COL4A6: variants seen among roughly 807,000 people sequenced by gnomAD.
COL4A6 encodes collagen alpha-6(IV) chain.
In COL4A6, 59 loss-of-function variants were observed where a neutral mutation model predicts 126.7. That is an observed-to-expected ratio of 0.47 (90% confidence interval 0.38 to 0.58). The LOEUF (loss-of-function observed/expected upper bound fraction) is 0.58, where lower values mean the gene tolerates loss of function less well. Among genes scored for constraint, COL4A6 ranks in the 20% least tolerant of loss-of-function variants. The pLI is 0.00. For synonymous variants in COL4A6, 547 were observed against 496.6 expected (o/e 1.10, Z -1.35); for missense variants, 1,285 against 1,337.3 (o/e 0.96, Z 0.61).
chrX:108,218,699 A>C (rs1205440040), intron 5 of COL4A6, among the ~76,000 whole-genome samples: 4 of 111,751 alleles, frequency 3.6e-5, no homozygotes, highest in Non-Finnish European at 5.6e-5. Flanking sequence ...CTGACATTAG[A>C]TTATTATTGA....
At chrX:108,193,319 C>A (rs1273989917) in intron 17 of COL4A6, among the ~76,000 whole-genome samples, 3 of 111,785 alleles carry the variant, frequency 2.7e-5, no homozygotes, top group Non-Finnish European at 5.6e-5. Context: ...GTCAGCCCAG[C>A]TTGGGGGTGG....
rs139602001 is a variant in COL4A6 at position 108,329,410 on chromosome X, C to T, written c.64-18582G>A. Among the ~76,000 whole-genome samples the T allele has an allele frequency of 8.1e-5, 9 of 111,491 alleles. No individual in the cohort carries two copies. The East Asian group carries it at 2.5e-3, about 31-fold the overall frequency. Reference sequence around the variant, plus strand: ...ACAATGACTTAAGAGATTTATCATCCAATCACAATGTAGGGACTTTATTTG... The same window carrying T: ...ACAATGACTTAAGAGATTTATCATCTAATCACAATGTAGGGACTTTATTTG... On this transcript the variant is annotated intron_variant, in intron 2 of 44. Transcript: ENST00000334504.
intron 3 of COL4A6, among the ~76,000 whole-genome samples, chrX:108,308,951 G>C (rs372917038): frequency 9.0e-6 from 1 of 111,395 alleles, no homozygotes; most frequent in East Asian, 2.8e-4. Context: ...CTGTCAAAAG[G>C]GTGGCTGAAT....
chrX:108,173,461 GGT>G (rs56782024), intron 31 of COL4A6, among the ~76,000 whole-genome samples: 4,000 of 100,673 alleles, frequency 0.04, 84 homozygotes, highest in African/African-American at 0.071. Flanking sequence ...AATTGCTTCA[GGT>G]GTGTGTGTGT....
At position 108,275,189 on chromosome X, in the gene COL4A6, T is replaced by G. The variant is rs189414186; in HGVS notation, c.144+35559A>C. 3.6e-5 allele frequency among the ~76,000 whole-genome samples: 4 copies of G among 111,192 alleles called. No homozygotes were observed. The East Asian group carries it at 8.5e-4, about 24-fold the overall frequency. On this transcript the variant is annotated intron_variant, in intron 3 of 44. Transcript: ENST00000334504. ...TTACTTGGGAGGAAAGGAAGAAAAATGGAAATGAAGGAAGGGAAGAAAAGG... is the reference window on the plus strand; with the variant it reads ...TTACTTGGGAGGAAAGGAAGAAAAAGGGAAATGAAGGAAGGGAAGAAAAGG...
chrX:108,368,891 G>A (rs1008124327), intron 2 of COL4A6, among the ~76,000 whole-genome samples: 10 of 111,186 alleles, frequency 9.0e-5, no homozygotes, highest in African/African-American at 3.3e-4. Context: ...TAACACACAT[G>A]GAGCTATCAC....
intron 3 of COL4A6, among the ~76,000 whole-genome samples, chrX:108,304,742 G>C (rs1192222792): frequency 2.7e-5 from 3 of 112,049 alleles, no homozygotes; most frequent in Non-Finnish European, 3.8e-5. Flanking sequence ...ACTCAGAGGA[G>C]TTAAGGAAAG....
chrX:108,338,453 A>G (rs189990105), intron 2 of COL4A6, among the ~76,000 whole-genome samples: 1 of 112,281 alleles, frequency 8.9e-6, no homozygotes, highest in Admixed American at 9.4e-5. Flanking sequence ...AGCAATGCCC[A>G]CATATAGTTC....
chrX:108,372,018 T>TCCCCTGCAC (rs1441093394), intron 2 of COL4A6, among the ~76,000 whole-genome samples: 1 of 110,916 alleles, frequency 9.0e-6, no homozygotes, highest in African/African-American at 3.3e-5. Context: ...CCATTTTGCT[T>TCCCCTGCAC]CCCCTGCACA....
chrX:108,399,938 T>C (rs1162480211), intron 2 of COL4A6, among the ~76,000 whole-genome samples: 1 of 111,385 alleles, frequency 9.0e-6, no homozygotes, highest in African/African-American at 3.3e-5. Context: ...TGTGTTCCTT[T>C]TAGTGCCTGA....
intron 3 of COL4A6, among the ~76,000 whole-genome samples, chrX:108,243,732 C>T (rs1448783788): frequency 8.9e-6 from 1 of 111,906 alleles, no homozygotes; most frequent in African/African-American, 3.2e-5. Context: ...GAACTGAATG[C>T]AATGTCAAAG....
At chrX:108,283,077 G>C (rs1409742415) in intron 3 of COL4A6, among the ~76,000 whole-genome samples, 1 of 105,754 alleles carries the variant, frequency 9.5e-6, no homozygotes, top group African/African-American at 3.4e-5. Flanking sequence ...CAGCACACCA[G>C]CATGGCACAT....
chrX:108,304,251 C>A (rs930633597), intron 3 of COL4A6, among the ~76,000 whole-genome samples: 1 of 112,107 alleles, frequency 8.9e-6, no homozygotes, highest in Non-Finnish European at 1.9e-5. Context: ...TCCATAAATC[C>A]TGTAATGTCA....
At chrX:108,424,575 A>G (rs1009222623) in intron 2 of COL4A6, among the ~76,000 whole-genome samples, 2 of 111,162 alleles carry the variant, frequency 1.8e-5, no homozygotes, top group Non-Finnish European at 3.8e-5. Flanking sequence ...CTCCCTTCTT[A>G]CACCTTCTGT....
At chrX:108,174,975 G>T in intron 30 of COL4A6, 115 bp downstream of exon 30, 1 of 965,272 alleles carries the variant, frequency 1.0e-6, no homozygotes, top group Non-Finnish European at 1.4e-6. Flanking sequence ...CCACACTGCT[G>T]CTCTGAGGTT....
intron 5 of COL4A6, among the ~76,000 whole-genome samples, chrX:108,215,006 G>C (rs1025512673): frequency 4.5e-5 from 5 of 111,464 alleles, no homozygotes; most frequent in African/African-American, 1.6e-4. Context: ...CCAATTGTGT[G>C]TTGGGCATGG....
rs183734242 is a variant in COL4A6 at position 108,361,628 on chromosome X, A to C, written c.64-50800T>G. 1.9e-4 allele frequency among the ~76,000 whole-genome samples: 21 copies of C among 111,845 alleles called. 1 individual carries two copies. In the Middle Eastern group the frequency reaches 0.018, roughly 98 times the overall value. On this transcript the variant is annotated intron_variant, in intron 2 of 44. Coordinates refer to ENST00000334504, the MANE Select transcript of COL4A6 (RefSeq NM_033641.4). ...TAAAGGAAGCTGAATGGAACTTCCA[A>C]GTCATAAAACGTGGACAGTATACAT...
chrX:108,187,230 G>A lies in COL4A6; in HGVS notation c.1817C>T (p.Pro606Leu). The A allele has an allele frequency of 6.7e-6, 8 of 1,190,202 alleles. No homozygotes were observed. The highest frequency in any genetic ancestry group is 6.8e-6 in the Non-Finnish European group (6 of 881,903). The change falls in exon 23 of 45, where the codon CCT (proline) becomes CTT (leucine). Residue 606 changes from proline (P) to leucine (L), a missense_variant. By Grantham distance (98) the Pro-to-Leu change is moderately conservative (BLOSUM62 -3). Transcript: ENST00000334504. ...TGGACCAGGATGGCCTTTTTCACCA[G>A]GAAGTCCAGGTAACCCCTTTTCACC... ...FPGEKGLPGL[P>L]GEKGHPGPPG...
chrX:108,437,040 T>A lies in COL4A6; in HGVS notation c.63+902A>T, dbSNP rs755460639. ...GGCTTTGGGTATCATTAAGAATTTT[T>A]AAAAAAAATACAGCAGTGAAATAGT... On this transcript the variant is annotated intron_variant, in intron 2 of 44. Coordinates refer to ENST00000334504, the MANE Select transcript of COL4A6 (RefSeq NM_033641.4). Among the ~76,000 whole-genome samples, 11 of 111,669 alleles carry A rather than the reference T, an allele frequency of 9.9e-5. No homozygotes were observed. The East Asian group carries it at 1.4e-3, about 14-fold the overall frequency.
Sources: allele counts gnomAD v4.1 joint callset (sites outside exome capture counted in the v4.1 genomes callset), GRCh38; gene constraint gnomAD v4.1.1; transcripts MANE v1.5; gene names NCBI Gene and HGNC (gene_info 2026-07-23, HGNC 2026-07-21).